Variants in SMTNL1 observed in about 807,000 individuals in gnomAD.
SMTNL1 encodes the protein smoothelin like 1.
Under a neutral mutation model 46.6 loss-of-function variants are expected in SMTNL1, and 41 were observed. The ratio of observed to expected loss-of-function variants is 0.88; its 90% CI spans 0.69 to 1.14. The LOEUF is 1.14. SMTNL1 is among the 50% of genes most tolerant of loss of function. The probability of loss-of-function intolerance (pLI) is 0.00; values close to 1 mark genes in which losing one functional copy is unlikely to be tolerated. For missense variants in SMTNL1, 591 were observed against 626.1 expected (o/e 0.94, Z 0.60); for synonymous variants, 234 against 234.2 (o/e 1.00, Z 0.01).
intron 4 of SMTNL1, among the ~76,000 whole-genome samples, chr11:57,544,159 T>G (rs1944904415): frequency 2.0e-5 from 3 of 152,148 alleles, no homozygotes; most frequent in Non-Finnish European, 4.4e-5. Flanking sequence ...GTGGGTGGAT[T>G]ACCTGAGGTC....
chr11:57,546,842 C>T (rs746460609), intron 7 of SMTNL1, among the ~76,000 whole-genome samples, 190 bp downstream of exon 7: 1 of 152,176 alleles, frequency 6.6e-6, no homozygotes, highest in Non-Finnish European at 1.5e-5. Context: ...AGACAAAAAT[C>T]TCTGCTTGAG....
At chr11:57,542,111 AAAAC>A (rs1335908645) in intron 1 of SMTNL1, among the ~76,000 whole-genome samples, 206 of 87,976 alleles carry the variant, frequency 2.3e-3, no homozygotes, top group East Asian at 0.022. Flanking sequence ...CTACAAAAAA[AAAAC>A]ACACACACAC....
chr11:57,542,809 C>T lies in SMTNL1; in HGVS notation c.167C>T (p.Ala56Val), dbSNP rs535760239. 5 of 1,613,844 alleles carry T rather than the reference C, an allele frequency of 3.1e-6. No individual in the cohort carries two copies. Among genetic ancestry groups the T allele is most frequent in the Non-Finnish European group, 4.2e-6 (5 of 1,179,838 alleles). The change falls in exon 2 of 8, where the codon GCA (alanine) becomes GTA (valine). Residue 56 changes from alanine to valine, a missense_variant. Ala to Val is a moderately conservative substitution (Grantham distance 64). Coordinates refer to ENST00000527972, the MANE Select transcript of SMTNL1 (RefSeq NM_001105565.3). Reference protein sequence around the residue: ...PPTESGKQEKAPAEDGMSAEL... With the variant: ...PPTESGKQEKVPAEDGMSAEL... ...ACTGAGTCAGGAAAGCAGGAAAAGG[C>T]ACCAGCCGAGGACGGCATGTCAGCA...
chr11:57,546,006 A>G lies in SMTNL1; in HGVS notation c.1043A>G (p.Asn348Ser), dbSNP rs1466762306. Residue 348 changes from asparagine (N) to serine (S), a missense_variant, in exon 5 of 8, where the codon AAC becomes AGC. Asn to Ser is a conservative substitution (Grantham distance 46, BLOSUM62 1). Transcript: ENST00000527972. ...CGGCCCCGGGGGCCCCGGGCACAGAACCGCAAAGCCATCGTGGACAAGTTT... is the reference window on the plus strand; with the variant it reads ...CGGCCCCGGGGGCCCCGGGCACAGAGCCGCAAAGCCATCGTGGACAAGTTT... ...PARPRGPRAQNRKAIVDKFGG... is the reference protein window; with the variant it reads ...PARPRGPRAQSRKAIVDKFGG... 6.3e-7 allele frequency: 1 copy of G among 1,598,716 alleles called. No homozygotes were observed. Among genetic ancestry groups the G allele is most frequent in the East Asian group, 2.2e-5 (1 of 44,702 alleles).
chr11:57,541,646 C>A (rs1944878858), intron 1 of SMTNL1: 4 of 1,290,634 alleles, frequency 3.1e-6, no homozygotes, highest in Non-Finnish European at 4.1e-6. Flanking sequence ...TGGCAAAGCT[C>A]CAGAGACCAG....
chr11:57,540,221 A>G (rs1462576743), intron 1 of SMTNL1, among the ~76,000 whole-genome samples: 1 of 152,184 alleles, frequency 6.6e-6, no homozygotes, highest in East Asian at 1.9e-4. Context: ...TTTAAATGCT[A>G]ATGAAGTTAT....
At chr11:57,545,075 G>A (rs1182470790) in intron 4 of SMTNL1, among the ~76,000 whole-genome samples, 1 of 151,906 alleles carries the variant, frequency 6.6e-6, no homozygotes, top group Non-Finnish European at 1.5e-5. Context: ...GACCTCAGGT[G>A]ATCCACCCAC....
At chr11:57,545,571 C>G (rs1013283969) in intron 4 of SMTNL1, among the ~76,000 whole-genome samples, 4 of 150,890 alleles carry the variant, frequency 2.7e-5, no homozygotes, top group Non-Finnish European at 4.4e-5. Context: ...CACCACTGCA[C>G]TCCAGCCTGG....
At chr11:57,549,370 G>C (rs183628974) in intron 7 of SMTNL1, among the ~76,000 whole-genome samples, 1 of 152,034 alleles carries the variant, frequency 6.6e-6, no homozygotes, top group Non-Finnish European at 1.5e-5. Flanking sequence ...GAAGCTCCCC[G>C]GTTCCAGAGG....
intron 1 of SMTNL1, chr11:57,541,633 A>G: frequency 7.6e-7 from 1 of 1,322,966 alleles, no homozygotes; most frequent in South Asian, 1.2e-5. Flanking sequence ...AGGCTGGTAG[A>G]GCTGGCAAAG....
In SMTNL1 at chr11:57,544,044, A is replaced by T. The variant is rs190925635; in HGVS notation, c.917+124A>T. On this transcript the variant is annotated intron_variant, in intron 4 of 7. Transcript: ENST00000527972. Reference sequence around the variant, plus strand: ...TTCAAGATATTCGAGGATTCCTGGCATTCAGCTTCCTATCCCAGGGCAGAG... The same window carrying T: ...TTCAAGATATTCGAGGATTCCTGGCTTTCAGCTTCCTATCCCAGGGCAGAG... The T allele has an allele frequency of 3.3e-4, 344 of 1,052,694 alleles. 2 individuals are homozygous for T. The African/African-American group carries it at 5.0e-3, about 15-fold the overall frequency. 65.2% of individuals were successfully genotyped at this position (1,052,694 alleles called of 1,614,324 possible).
At chr11:57,545,662 G>T (rs1278887137) in intron 4 of SMTNL1, among the ~76,000 whole-genome samples, 1 of 151,504 alleles carries the variant, frequency 6.6e-6, no homozygotes, top group East Asian at 1.9e-4. Context: ...GACCTCAGAG[G>T]TGTCCTAGCT....
chr11:57,546,275 A>T lies in SMTNL1; in HGVS notation c.1116A>T (p.Ala372=), dbSNP rs1266798063. 2 of 1,610,440 alleles carry T rather than the reference A, an allele frequency of 1.2e-6. No individual in the cohort carries two copies. Among genetic ancestry groups the T allele is most frequent in the Non-Finnish European group, 1.7e-6 (2 of 1,178,636 alleles). The change falls in exon 6 of 8, where the codon GCA becomes GCT. Residue 372 remains alanine (A), a synonymous_variant. Coordinates refer to ENST00000527972, the MANE Select transcript of SMTNL1 (RefSeq NM_001105565.3). ...CGGCCTTGTTCCGCAACACTAAGGC[A>T]GCCGGGGCAGCCATTGGTGGTGTCA... ...GPTALFRNTK[A]AGAAIGGVKN...
rs539143694 is a variant in SMTNL1 at position 57,546,268 on chromosome 11, C to T, written c.1109C>T (p.Thr370Ile). Residue 370 changes from threonine (T) to isoleucine (I), a missense_variant, in exon 6 of 8, where the codon ACT becomes ATT. Coordinates refer to ENST00000527972, the MANE Select transcript of SMTNL1 (RefSeq NM_001105565.3). ...ASGPTALFRNTKAAGAAIGGV... is the reference protein window; with the variant it reads ...ASGPTALFRNIKAAGAAIGGV... ...GGCCCCACGGCCTTGTTCCGCAACA[C>T]TAAGGCAGCCGGGGCAGCCATTGGT... is the stretch of plus-strand genomic sequence containing the variant. The T allele has an allele frequency of 1.2e-6, 2 of 1,610,070 alleles. No individual in the cohort carries two copies. The highest frequency in any genetic ancestry group is 2.7e-5 in the African/African-American group (2 of 75,004).
intron 1 of SMTNL1, among the ~76,000 whole-genome samples, chr11:57,540,545 T>C (rs1027610046): frequency 1.8e-4 from 27 of 152,270 alleles, no homozygotes; most frequent in Admixed American, 4.6e-4. Flanking sequence ...GTGGAGAACC[T>C]GATCCAGATG....
chr11:57,546,208 G>A (rs1383681226), intron 5 of SMTNL1, 25 bp from the exon 6 acceptor site: 14 of 1,568,968 alleles, frequency 8.9e-6, no homozygotes, highest in South Asian at 1.2e-5. Context: ...CTCTGGCTTG[G>A]CCTTGCACCC....
intron 4 of SMTNL1, among the ~76,000 whole-genome samples, chr11:57,545,554 A>G (rs1196769191): frequency 6.6e-6 from 1 of 151,642 alleles, no homozygotes; most frequent in Admixed American, 6.6e-5. Flanking sequence ...GCAATGAGCC[A>G]AGATCACACC....
chr11:57,547,552 A>G (rs1330005016), intron 7 of SMTNL1, among the ~76,000 whole-genome samples: 2 of 152,236 alleles, frequency 1.3e-5, no homozygotes, highest in African/African-American at 4.8e-5. Context: ...TGTGAAGAGG[A>G]AAGAGTGTCT....
intron 4 of SMTNL1, among the ~76,000 whole-genome samples, chr11:57,545,154 G>A (rs915205115): frequency 2.2e-4 from 33 of 151,946 alleles, no homozygotes; most frequent in African/African-American, 7.7e-4. Flanking sequence ...CCCTTTCTTA[G>A]GGAAAGATAA....
Sources: gnomAD v4.1 joint callset for allele counts (sites outside exome capture counted in the v4.1 genomes callset) on GRCh38, gnomAD v4.1.1 for gene constraint, MANE v1.5 for transcripts, NCBI Gene and HGNC (gene_info 2026-07-23, HGNC 2026-07-21) for gene names.